The following A2M variants were observed in gnomAD, a reference collection of about 807,000 sequenced individuals.
A2M encodes alpha-2-macroglobulin, also known as C3 and PZP-like alpha-2-macroglobulin domain-containing protein 5.
Under a neutral mutation model 183.9 loss-of-function variants are expected in A2M, and 128 were observed. The ratio of observed to expected loss-of-function variants is 0.70; its 90% CI spans 0.60 to 0.81. A2M has a LOEUF of 0.81. Ranked by LOEUF, A2M falls within the 30% of genes least tolerant of loss-of-function variation. The pLI is 0.00. For missense variants in A2M, 1,495 were observed against 1,787.6 expected (o/e 0.84, Z 2.95); for synonymous variants, 592 against 670.8 (o/e 0.88, Z 1.81).
chr12:9,110,395 A>G, intron 4 of A2M, 61 bp from the exon 5 acceptor site: 4 of 1,110,702 alleles, frequency 3.6e-6, no homozygotes, highest in Non-Finnish European at 5.0e-6. Context: ...AATCTCATTT[A>G]TAAGCAAAGC....
At chr12:9,085,537 A>G (rs1386388647) in intron 22 of A2M, among the ~76,000 whole-genome samples, 1 of 152,148 alleles carries the variant, frequency 6.6e-6, no homozygotes, top group Non-Finnish European at 1.5e-5. Context: ...GCTTATAACA[A>G]TAAACACCAA....
At chr12:9,095,514 A>G (rs1408006757) in intron 16 of A2M, 25 bp downstream of exon 16, 2 of 1,598,912 alleles carry the variant, frequency 1.3e-6, no homozygotes, top group African/African-American at 1.3e-5. Flanking sequence ...TTAAGATCAG[A>G]CCATCTGCAA....
At chr12:9,089,338 G>T in intron 21 of A2M, 87 bp from the exon 22 acceptor site, 3 of 953,538 alleles carry the variant, frequency 3.1e-6, no homozygotes, top group Middle Eastern at 2.1e-4. Flanking sequence ...TATTTGGATA[G>T]TGAAGAGAAG....
intron 8 of A2M, 140 bp downstream of exon 8, chr12:9,107,384 T>C: frequency 2.9e-6 from 3 of 1,037,304 alleles, no homozygotes; most frequent in Non-Finnish European, 2.7e-6. Flanking sequence ...AAGTTCATGA[T>C]TTTTTTTGAA....
chr12:9,076,688 G>A, intron 28 of A2M, 68 bp downstream of exon 28: 1 of 1,510,330 alleles, frequency 6.6e-7, no homozygotes, highest in Non-Finnish European at 9.2e-7. Flanking sequence ...GTAGGAGTGA[G>A]GGATTTTTGC....
At chr12:9,104,051 G>A (rs1432398225) in intron 11 of A2M, among the ~76,000 whole-genome samples, 188 bp downstream of exon 11, 1 of 152,052 alleles carries the variant, frequency 6.6e-6, no homozygotes, top group African/African-American at 2.4e-5. Flanking sequence ...AGTCTAACCC[G>A]CACTTTTAAT....
chr12:9,076,851 G>A lies in A2M; in HGVS notation c.3437C>T (p.Thr1146Ile). 3.7e-6 allele frequency: 6 copies of A among 1,613,970 alleles called. No individual in the cohort carries two copies. Among genetic ancestry groups the A allele is most frequent in the Non-Finnish European group, 5.1e-6 (6 of 1,179,962 alleles). ...AAAAGCATAGGCCAGCAGTGCTTTG[G>A]TATATACATGGCTGCCATGGTCCCC... ...QEGDHGSHVYTKALLAYAFAL... is the reference protein window; with the variant it reads ...QEGDHGSHVYIKALLAYAFAL... The change falls in exon 28 of 36, where the codon ACC becomes ATC. Residue 1146 changes from threonine to isoleucine, a missense_variant. Coordinates refer to ENST00000318602, the MANE Select transcript of A2M (RefSeq NM_000014.6).
chr12:9,079,578 C>T, intron 24 of A2M, 61 bp downstream of exon 24: 3 of 1,482,084 alleles, frequency 2.0e-6, no homozygotes, highest in Non-Finnish European at 2.8e-6. Context: ...GTAACTGAAA[C>T]CTACTGGGAA....
At chr12:9,069,866 G>T in intron 32 of A2M, 53 bp from the exon 33 acceptor site, 2 of 1,537,094 alleles carry the variant, frequency 1.3e-6, no homozygotes, top group Non-Finnish European at 1.8e-6. Context: ...AACCCCTGGG[G>T]GATCCAGAGA....
At chr12:9,081,392 G>C (rs1236546403) in intron 22 of A2M, among the ~76,000 whole-genome samples, 1 of 152,118 alleles carries the variant, frequency 6.6e-6, no homozygotes, top group African/African-American at 2.4e-5. Flanking sequence ...ATGCATTTAG[G>C]TAATAAAGAG....
intron 21 of A2M, 67 bp from the exon 22 acceptor site, chr12:9,089,318 G>A (rs1195647462): frequency 5.4e-6 from 6 of 1,118,854 alleles, no homozygotes; most frequent in Non-Finnish European, 5.3e-6. Context: ...TTTAATGGAG[G>A]GACCACAGAT....
intron 1 of A2M, chr12:9,115,563 A>G: frequency 1.9e-6 from 1 of 521,822 alleles, no homozygotes; most frequent in Non-Finnish European, 3.4e-6. Context: ...AAGGCTTTGC[A>G]TATTAGAGCT....
Position 9,110,333 on chromosome 12 carries a change from A to C in A2M, c.485T>G (p.Ile162Ser), listed in dbSNP as rs1345509933. The C allele has an allele frequency of 6.9e-7, 1 of 1,440,754 alleles. No individual in the cohort carries two copies. Among genetic ancestry groups the C allele is most frequent in the Non-Finnish European group, 9.3e-7 (1 of 1,074,044 alleles). 89.2% of individuals were successfully genotyped at this position (1,440,754 alleles called of 1,614,324 possible). A position where few individuals can be genotyped will look rare whatever the true frequency, so the allele number is the denominator to read the frequency against. Residue 162 changes from isoleucine (I) to serine (S), a missense_variant and splice_region_variant, in exon 5 of 36, where the codon ATT becomes AGT. By Grantham distance (142) the Ile-to-Ser change is moderately radical. Transcript: ENST00000318602. ...GCTTACCTGAATGTATACTAGTGGA[A>C]TCTGAAAGACAAAAGAAAAAAGAAG... ...DENFHPLNELIPLVYIQDPKG... is the reference protein window; with the variant it reads ...DENFHPLNELSPLVYIQDPKG...
At chr12:9,104,890 C>T (rs1483536450) in intron 10 of A2M, among the ~76,000 whole-genome samples, 1 of 152,166 alleles carries the variant, frequency 6.6e-6, no homozygotes, top group Non-Finnish European at 1.5e-5. Flanking sequence ...TCTGAAGTCT[C>T]ATAAGTGCAC....
intron 22 of A2M, among the ~76,000 whole-genome samples, chr12:9,088,505 G>T (rs751373114): frequency 6.6e-6 from 1 of 152,050 alleles, no homozygotes; most frequent in Non-Finnish European, 1.5e-5. Context: ...CATTTTATGT[G>T]TTACATCTTG....
intron 11 of A2M, among the ~76,000 whole-genome samples, chr12:9,103,202 T>G (rs1938022419): frequency 6.6e-6 from 1 of 152,232 alleles, no homozygotes; most frequent in African/African-American, 2.4e-5. Context: ...ATCTAACAGT[T>G]AAAGGGGGCT....
intron 10 of A2M, 29 bp from the exon 11 acceptor site, chr12:9,104,429 T>A: frequency 1.3e-6 from 2 of 1,558,342 alleles, no homozygotes; most frequent in Non-Finnish European, 1.7e-6. Context: ...GGATTAGTTA[T>A]ATTGGTAATA....
In A2M at chr12:9,073,473, TCAA is replaced by T. The variant is rs1015800328; in HGVS notation, c.3757-605_3757-603del. On this transcript the variant is annotated intron_variant, in intron 29 of 35. Coordinates refer to ENST00000318602, the MANE Select transcript of A2M (RefSeq NM_000014.6). ...AGTGAATGTCTGCTGGTATGTATCC[TCAA>T]CAACATTAAACCTGCTTGGCCTCCT... Among the ~76,000 whole-genome samples, 14 of 152,372 alleles carry T rather than the reference TCAA, an allele frequency of 9.2e-5. No individual in the cohort carries two copies. The South Asian group carries it at 2.5e-3, about 27-fold the overall frequency.
In A2M at chr12:9,095,101, C is replaced by T; in HGVS notation, c.2014-17G>A. ...GCCCATGTCCTGCAAAGAAAATTAT[C>T]ATCTAATCAGTAAATATATATTATA... On this transcript the variant is annotated splice_polypyrimidine_tract_variant and intron_variant, in intron 16 of 35. Coordinates refer to ENST00000318602, the MANE Select transcript of A2M (RefSeq NM_000014.6). 7.7e-7 allele frequency: 1 copy of T among 1,298,174 alleles called. No individual in the cohort carries two copies. The highest frequency in any genetic ancestry group is 1.1e-6 in the Non-Finnish European group (1 of 928,272). 80.4% of individuals were successfully genotyped at this position (1,298,174 alleles called of 1,614,324 possible).
Sources: gnomAD v4.1 joint callset for allele counts (sites outside exome capture counted in the v4.1 genomes callset) on GRCh38, gnomAD v4.1.1 for gene constraint, MANE v1.5 for transcripts, NCBI Gene and HGNC (gene_info 2026-07-23, HGNC 2026-07-21) for gene names.